The following SLC17A9 variants were observed in gnomAD, a reference collection of about 807,000 sequenced individuals.
SLC17A9 encodes solute carrier family 17 member 9.
Under a neutral mutation model 55.0 loss-of-function variants are expected in SLC17A9, and 49 were observed. That is an observed-to-expected ratio of 0.89 (90% CI 0.71 to 1.13). SLC17A9 has a LOEUF of 1.13. Ranked by LOEUF, SLC17A9 falls within the 50% of genes most tolerant of loss-of-function variation. SLC17A9 has a pLI of 0.00. For synonymous variants in SLC17A9, 256 were observed against 247.4 expected (o/e 1.03, Z -0.32); for missense variants, 526 against 569.3 (o/e 0.92, Z 0.77).
intron 10 of SLC17A9, among the ~76,000 whole-genome samples, chr20:62,965,933 T>G (rs1311492835): frequency 6.6e-6 from 1 of 152,268 alleles, no homozygotes; most frequent in Non-Finnish European, 1.5e-5. Context: ...GTGCGCGTGA[T>G]TTGTGCGAAC....
intron 12 of SLC17A9, 23 bp downstream of exon 12, chr20:62,966,755 C>A: frequency 6.2e-7 from 1 of 1,602,518 alleles, no homozygotes; most frequent in South Asian, 1.1e-5. Flanking sequence ...CCTCTGTGCC[C>A]AGGAGTTCCC....
At chr20:62,966,645 G>T (rs371579899) in intron 11 of SLC17A9, 58 bp from the exon 12 acceptor site, 1 of 1,613,740 alleles carries the variant, frequency 6.2e-7, no homozygotes, top group Non-Finnish European at 8.5e-7. Context: ...AGCCATGGGG[G>T]ATCCCGGAGG....
At chr20:62,953,309 G>A (rs1490786519) in intron 1 of SLC17A9, 2 of 1,539,082 alleles carry the variant, frequency 1.3e-6, no homozygotes, top group East Asian at 2.5e-5. Flanking sequence ...GCTGGACGGG[G>A]TTGGGGGGGG....
In SLC17A9 at chr20:62,957,427, T is replaced by C. The variant is rs775193270; in HGVS notation, c.258-14T>C. On this transcript the variant is annotated splice_polypyrimidine_tract_variant and intron_variant, in intron 2 of 12. Coordinates refer to ENST00000370351, the MANE Select transcript of SLC17A9 (RefSeq NM_022082.4). ...GCACAGCCACATCCTCACCTCCCTC[T>C]GTCTTCCCTCCAGGATTGGGGGTGA... 6.4e-7 allele frequency: 1 copy of C among 1,564,770 alleles called. No homozygotes were observed.
At chr20:62,960,367 T>C in intron 3 of SLC17A9, 137 bp from the exon 4 acceptor site, 2 of 763,374 alleles carry the variant, frequency 2.6e-6, no homozygotes, top group South Asian at 3.3e-5. Context: ...AGCCCTGCCC[T>C]GCTGGTCCCT....
Sources: allele counts gnomAD v4.1 joint callset (sites outside exome capture counted in the v4.1 genomes callset), GRCh38; gene constraint gnomAD v4.1.1; transcripts MANE v1.5; gene names NCBI Gene and HGNC (gene_info 2026-07-23, HGNC 2026-07-21).